Variants in ATRNL1 observed in about 807,000 individuals in gnomAD.
ATRNL1 encodes the protein attractin-like protein 1.
ATRNL1 carries 95 observed loss-of-function variants against 182.7 expected under a neutral mutation model. The observed-to-expected ratio is 0.52, with a 90% CI of 0.44 to 0.62. The LOEUF (loss-of-function observed/expected upper bound fraction) is 0.62, where lower values mean the gene tolerates loss of function less well. Among genes scored for constraint, ATRNL1 ranks in the 20% least tolerant of loss-of-function variants. The pLI is 0.00. For synonymous variants in ATRNL1, 576 were observed against 568.3 expected (o/e 1.01, Z -0.19); for missense variants, 1,471 against 1,679.5 (o/e 0.88, Z 2.17).
chr10:115,800,497 A>C (rs12412579), intron 27 of ATRNL1, among the ~76,000 whole-genome samples: 3 of 151,950 alleles, frequency 2.0e-5, no homozygotes, highest in African/African-American at 2.4e-5. Context: ...GTATGTTACC[A>C]TCTGTTTTTT....
intron 26 of ATRNL1, among the ~76,000 whole-genome samples, chr10:115,653,208 G>A (rs1860121957): frequency 6.6e-6 from 1 of 152,106 alleles, no homozygotes; most frequent in African/African-American, 2.4e-5. Context: ...TATATTGGCT[G>A]TTTACAAATA....
chr10:115,592,701 A>G lies in ATRNL1; in HGVS notation c.3795+43165A>G, dbSNP rs534777147. On this transcript the variant is annotated intron_variant, in intron 26 of 28. Coordinates refer to ENST00000355044, the MANE Select transcript of ATRNL1 (RefSeq NM_207303.4). Reference sequence around the variant, plus strand: ...TTCATCCATGTACATTTTATTGCCAAATAATACTAGAAATCATCTGTTTTA... The same window carrying G: ...TTCATCCATGTACATTTTATTGCCAGATAATACTAGAAATCATCTGTTTTA... 7.2e-5 allele frequency among the ~76,000 whole-genome samples: 11 copies of G among 152,306 alleles called. No individual in the cohort carries two copies. In the South Asian group the frequency reaches 2.3e-3, roughly 32 times the overall value.
At chr10:115,936,539 G>A (rs1289807600) in intron 28 of ATRNL1, among the ~76,000 whole-genome samples, 1 of 152,034 alleles carries the variant, frequency 6.6e-6, no homozygotes, top group Admixed American at 6.6e-5. Context: ...TTTCTTATTG[G>A]TAGTAACAGA....
intron 26 of ATRNL1, among the ~76,000 whole-genome samples, chr10:115,641,796 C>T (rs1321710019): frequency 6.6e-6 from 1 of 151,666 alleles, no homozygotes; most frequent in Non-Finnish European, 1.5e-5. Flanking sequence ...ATTGAAGGGA[C>T]AGAAAAACAA....
chr10:115,275,633 A>G (rs556311373), intron 13 of ATRNL1, among the ~76,000 whole-genome samples: 18 of 152,084 alleles, frequency 1.2e-4, no homozygotes, highest in East Asian at 3.9e-4. Context: ...ATGTTTCCCA[A>G]TTCAGTGGCT....
intron 1 of ATRNL1, among the ~76,000 whole-genome samples, chr10:115,101,821 G>C (rs1554864659): frequency 1.3e-5 from 2 of 152,148 alleles, no homozygotes; most frequent in Admixed American, 6.5e-5. Context: ...CTCTAGGCCT[G>C]AAGTTTTCTT....
intron 19 of ATRNL1, among the ~76,000 whole-genome samples, chr10:115,362,287 G>C (rs536442077): frequency 6.6e-6 from 1 of 151,944 alleles, no homozygotes; most frequent in African/African-American, 2.4e-5. Flanking sequence ...TGGGCTTAGA[G>C]CTATAAATAA....
chr10:115,714,246 A>G (rs944788479), intron 26 of ATRNL1, among the ~76,000 whole-genome samples: 5 of 152,146 alleles, frequency 3.3e-5, no homozygotes, highest in Non-Finnish European at 1.5e-5. Context: ...TCAGCTAAAA[A>G]TGGGGTCCTT....
At chr10:115,104,829 A>G (rs1350934029) in intron 1 of ATRNL1, among the ~76,000 whole-genome samples, 2 of 151,956 alleles carry the variant, frequency 1.3e-5, no homozygotes, top group Non-Finnish European at 2.9e-5. Context: ...TGTGCTTGAC[A>G]CCTTTGTCAA....
chr10:115,843,468 G>C (rs1316836328), intron 27 of ATRNL1, among the ~76,000 whole-genome samples: 16 of 151,978 alleles, frequency 1.1e-4, no homozygotes, highest in Non-Finnish European at 8.8e-5. Flanking sequence ...ATCAGAGAAG[G>C]CTTTATAGAT....
At chr10:115,926,789 A>T (rs1031061556) in intron 28 of ATRNL1, among the ~76,000 whole-genome samples, 5 of 152,276 alleles carry the variant, frequency 3.3e-5, no homozygotes, top group African/African-American at 1.2e-4. Flanking sequence ...ACCAAAAAAA[A>T]GTCTAGGACC....
chr10:115,115,823 A>T (rs1271461376), intron 1 of ATRNL1, among the ~76,000 whole-genome samples: 2 of 152,236 alleles, frequency 1.3e-5, no homozygotes, highest in African/African-American at 4.8e-5. Flanking sequence ...TAGTCAAATT[A>T]TATATCCATA....
intron 18 of ATRNL1, 100 bp from the exon 19 acceptor site, chr10:115,334,182 C>G (rs115015096): frequency 1.3e-6 from 1 of 789,450 alleles, no homozygotes; most frequent in African/African-American, 1.8e-5. Context: ...TCTTTGGGCA[C>G]TTTTACAATC....
Position 115,286,304 on chromosome 10 carries a change from T to C in ATRNL1, c.2322T>C (p.Leu774=). Residue 774 remains leucine (L), a synonymous_variant, in exon 15 of 29, where the codon CTT becomes CTC. Coordinates refer to ENST00000355044, the MANE Select transcript of ATRNL1 (RefSeq NM_207303.4). ...SSRENYDNAK[L]YCYNLSGNLA... ...GAGAAAACTATGACAATGCAAAACT[T>C]TATTGCTATAATCTTAGTGGAAATC... is the stretch of plus-strand genomic sequence containing the variant. 6.2e-7 allele frequency: 1 copy of C among 1,603,276 alleles called. No individual in the cohort carries two copies. Among genetic ancestry groups the C allele is most frequent in the Non-Finnish European group, 8.5e-7 (1 of 1,170,906 alleles).
intron 28 of ATRNL1, among the ~76,000 whole-genome samples, chr10:115,917,335 C>T (rs944618026): frequency 7.2e-5 from 11 of 151,776 alleles, no homozygotes; most frequent in Non-Finnish European, 7.4e-5. Context: ...CCGGGCATGG[C>T]GGCGGGCACC....
intron 13 of ATRNL1, among the ~76,000 whole-genome samples, chr10:115,275,210 C>G (rs1852051873): frequency 6.6e-6 from 1 of 152,128 alleles, no homozygotes; most frequent in Non-Finnish European, 1.5e-5. Context: ...ATTATGCATT[C>G]TGGAACTGGG....
intron 8 of ATRNL1, among the ~76,000 whole-genome samples, chr10:115,181,688 A>G (rs1554887843): frequency 6.6e-6 from 1 of 151,742 alleles, no homozygotes. Context: ...ATAAAACAGA[A>G]GTTTTTTAGA....
At chr10:115,230,626 C>T (rs1288873618) in intron 9 of ATRNL1, among the ~76,000 whole-genome samples, 2 of 152,128 alleles carry the variant, frequency 1.3e-5, no homozygotes, top group African/African-American at 4.8e-5. Context: ...AGATATGTGA[C>T]TTATCTGACA....
chr10:115,722,128 G>A (rs1367944973), intron 26 of ATRNL1, among the ~76,000 whole-genome samples: 2 of 152,042 alleles, frequency 1.3e-5, no homozygotes, highest in Non-Finnish European at 2.9e-5. Context: ...AAAATCATTG[G>A]AAATGAATAT....
Sources: allele counts gnomAD v4.1 joint callset (sites outside exome capture counted in the v4.1 genomes callset), GRCh38; gene constraint gnomAD v4.1.1; transcripts MANE v1.5; gene names NCBI Gene and HGNC (gene_info 2026-07-23, HGNC 2026-07-21).